Variants in NRG3 observed in about 807,000 individuals in gnomAD.
The protein encoded by NRG3 is pro-neuregulin-3, membrane-bound isoform.
NRG3 carries 31 observed loss-of-function variants against 66.9 expected under a neutral mutation model. The observed-to-expected ratio is 0.46, with a 90% CI of 0.35 to 0.63. NRG3 has a LOEUF of 0.63. NRG3 is among the 20% of genes least tolerant of loss of function. The probability of loss-of-function intolerance (pLI) is 0.00; values close to 1 mark genes in which losing one functional copy is unlikely to be tolerated. For synonymous variants in NRG3, 393 were observed against 359.4 expected, an observed-to-expected ratio of 1.09 and a Z score of -1.06; for missense variants, 910 against 878.9, an observed-to-expected ratio of 1.04 and a Z score of -0.45.
At chr10:82,860,420 G>C (rs1041957037) in intron 3 of NRG3, among the ~76,000 whole-genome samples, 1 of 152,134 alleles carries the variant, frequency 6.6e-6, no homozygotes, top group Non-Finnish European at 1.5e-5. Flanking sequence ...TTATAGGAAG[G>C]GGGTAAGTAA....
At chr10:82,970,383 T>C (rs1055934424) in intron 6 of NRG3, among the ~76,000 whole-genome samples, 1 of 152,152 alleles carries the variant, frequency 6.6e-6, no homozygotes, top group Admixed American at 6.6e-5. Flanking sequence ...CACTACAGTC[T>C]CTAACTCCTG....
At chr10:82,961,084 C>T (rs1254925953) in intron 6 of NRG3, among the ~76,000 whole-genome samples, 1 of 152,128 alleles carries the variant, frequency 6.6e-6, no homozygotes, top group Non-Finnish European at 1.5e-5. Context: ...ACAATATCAG[C>T]ACCAAAAGTT....
At chr10:82,305,247 G>C (rs1391461725) in intron 1 of NRG3, among the ~76,000 whole-genome samples, 1 of 151,768 alleles carries the variant, frequency 6.6e-6, no homozygotes, top group Non-Finnish European at 1.5e-5. Context: ...CACCTACCTT[G>C]GCCTCCCAAA....
At chr10:82,754,779 A>C (rs1467711487) in intron 3 of NRG3, among the ~76,000 whole-genome samples, 1 of 152,094 alleles carries the variant, frequency 6.6e-6, no homozygotes, top group African/African-American at 2.4e-5. Context: ...TCTAAAGCAA[A>C]TATATACTAC....
chr10:82,605,557 T>C (rs2047918569), intron 2 of NRG3, among the ~76,000 whole-genome samples: 1 of 152,074 alleles, frequency 6.6e-6, no homozygotes, highest in Non-Finnish European at 1.5e-5. Flanking sequence ...GTCTTTATTG[T>C]GTTTTGATAT....
At chr10:82,581,544 A>G (rs2046356279) in intron 2 of NRG3, among the ~76,000 whole-genome samples, 2 of 152,072 alleles carry the variant, frequency 1.3e-5, no homozygotes, top group Admixed American at 6.6e-5. Flanking sequence ...AGAAAGTAGA[A>G]TGATAGTTAC....
At chr10:82,756,209 A>C (rs779803681) in intron 3 of NRG3, among the ~76,000 whole-genome samples, 1 of 152,096 alleles carries the variant, frequency 6.6e-6, no homozygotes, top group Non-Finnish European at 1.5e-5. Context: ...CTTATCCATC[A>C]TTCTGGACTT....
intron 1 of NRG3, among the ~76,000 whole-genome samples, chr10:82,016,431 G>T (rs759699896): frequency 5.9e-5 from 9 of 152,072 alleles, no homozygotes; most frequent in Non-Finnish European, 1.3e-4. Context: ...CAGGCAGTAA[G>T]CATGCGAGAT....
intron 1 of NRG3, among the ~76,000 whole-genome samples, chr10:82,241,336 A>G (rs1157493668): frequency 6.6e-6 from 1 of 152,156 alleles, no homozygotes; most frequent in Non-Finnish European, 1.5e-5. Flanking sequence ...TAGCTGAATT[A>G]CAATTCTAAA....
At chr10:82,940,753 T>C (rs1290752167) in intron 4 of NRG3, among the ~76,000 whole-genome samples, 2 of 152,032 alleles carry the variant, frequency 1.3e-5, no homozygotes, top group Non-Finnish European at 2.9e-5. Context: ...GGGAGCTTCC[T>C]TGAGTTTATT....
chr10:82,605,068 A>G (rs576382580), intron 2 of NRG3, among the ~76,000 whole-genome samples: 34 of 152,142 alleles, frequency 2.2e-4, no homozygotes, highest in African/African-American at 7.7e-4. Flanking sequence ...AACTAGGACC[A>G]GTACATTGTG....
At chr10:81,972,812 T>C (rs2059980016) in intron 1 of NRG3, among the ~76,000 whole-genome samples, 1 of 152,088 alleles carries the variant, frequency 6.6e-6, no homozygotes, top group South Asian at 2.1e-4. Flanking sequence ...CACAAGAAAT[T>C]GGAAGGAAAC....
intron 1 of NRG3, among the ~76,000 whole-genome samples, chr10:82,257,598 C>G (rs562343772): frequency 6.6e-6 from 1 of 151,998 alleles, no homozygotes; most frequent in Non-Finnish European, 1.5e-5. Flanking sequence ...GGTGAAACCC[C>G]ATCTGTAGAG....
intron 4 of NRG3, among the ~76,000 whole-genome samples, chr10:82,908,123 C>T (rs567325597): frequency 9.2e-5 from 14 of 152,296 alleles, no homozygotes; most frequent in African/African-American, 3.4e-4. Context: ...AAGAGACTTT[C>T]AGATGTCTGT....
rs544944621 is a variant in NRG3 at position 82,764,848 on chromosome 10, CAGAG to C, written c.1027+26203_1027+26206del. 9.1e-4 allele frequency among the ~76,000 whole-genome samples: 138 copies of C among 151,706 alleles called. 1 individual carries two copies. Among genetic ancestry groups the C allele is most frequent in the Admixed American group, 8.3e-3 (126 of 15,222 alleles). ...TGTTTTGGGCTGTGTGTGTGTGAGACAGAGAGAGCAACAGAAAGAGAGGAAAGAA... is the reference window on the plus strand; with the variant it reads ...TGTTTTGGGCTGTGTGTGTGTGAGACAGAGCAACAGAAAGAGAGGAAAGAA... On this transcript the variant is annotated intron_variant, in intron 3 of 8. Coordinates refer to ENST00000372141, the MANE Select transcript of NRG3 (RefSeq NM_001010848.4).
intron 1 of NRG3, among the ~76,000 whole-genome samples, chr10:81,935,079 A>G (rs1204558938): frequency 1.3e-5 from 2 of 152,216 alleles, no homozygotes; most frequent in African/African-American, 4.8e-5. Context: ...AAAGCTTTGG[A>G]ATTTGGTAAA....
At chr10:82,482,151 GA>G (rs540627919) in intron 2 of NRG3, among the ~76,000 whole-genome samples, 12 of 149,068 alleles carry the variant, frequency 8.1e-5, no homozygotes, top group East Asian at 3.9e-4. Context: ...TGTGCTCTGT[GA>G]AAAAAAAAAT....
chr10:82,204,415 A>C (rs1448326188), intron 1 of NRG3, among the ~76,000 whole-genome samples: 2 of 152,186 alleles, frequency 1.3e-5, no homozygotes, highest in Non-Finnish European at 2.9e-5. Flanking sequence ...TTGCCCTCTA[A>C]CTTCTGATTT....
chr10:82,116,333 T>C (rs184800536), intron 1 of NRG3, among the ~76,000 whole-genome samples: 1 of 152,258 alleles, frequency 6.6e-6, no homozygotes, highest in East Asian at 1.9e-4. Flanking sequence ...GCGACTGAAA[T>C]ATTAATTCTT....
Sources: allele counts gnomAD v4.1 joint callset (sites outside exome capture counted in the v4.1 genomes callset), GRCh38; gene constraint gnomAD v4.1.1; transcripts MANE v1.5; gene names NCBI Gene and HGNC (gene_info 2026-07-23, HGNC 2026-07-21).